DAB1: variants seen among roughly 807,000 people sequenced by gnomAD.
DAB1 encodes DAB adaptor protein 1.
Under a neutral mutation model 64.6 loss-of-function variants are expected in DAB1, and 15 were observed. The observed-to-expected ratio is 0.23, with a 90% confidence interval of 0.16 to 0.36. DAB1 has a LOEUF of 0.36. DAB1 is among the 10% of genes least tolerant of loss of function. DAB1 has a pLI of 1.00. For synonymous variants in DAB1, 235 were observed against 251.9 expected (o/e 0.93, Z 0.64); for missense variants, 596 against 706.7 (o/e 0.84, Z 1.78).
chr1:57,233,063 A>G (rs946443088), intron 2 of DAB1, among the ~76,000 whole-genome samples: 3 of 152,028 alleles, frequency 2.0e-5, no homozygotes, highest in Non-Finnish European at 4.4e-5. Context: ...TTTTAAAAAT[A>G]AAGCTGAGTA....
At chr1:57,171,537 C>A (rs957860375) in intron 2 of DAB1, among the ~76,000 whole-genome samples, 1 of 152,178 alleles carries the variant, frequency 6.6e-6, no homozygotes, top group African/African-American at 2.4e-5. Context: ...AGAATGGCGA[C>A]ATGTTTATAT....
intron 7 of DAB1, among the ~76,000 whole-genome samples, chr1:57,597,414 G>T (rs1645523828): frequency 1.3e-5 from 2 of 152,138 alleles, no homozygotes; most frequent in South Asian, 4.1e-4. Flanking sequence ...AACGGACAAG[G>T]CAAAATGCTT....
chr1:57,099,133 T>C (rs1042560256), intron 4 of DAB1, among the ~76,000 whole-genome samples: 1 of 152,176 alleles, frequency 6.6e-6, no homozygotes, highest in African/African-American at 2.4e-5. Flanking sequence ...ACATATCTAC[T>C]GGGGACCTCA....
At chr1:58,397,585 A>G (rs964107992) in intron 3 of DAB1, among the ~76,000 whole-genome samples, 4 of 152,142 alleles carry the variant, frequency 2.6e-5, no homozygotes, top group African/African-American at 9.7e-5. Context: ...ATACCTATCC[A>G]ATGCAGAGAT....
intron 7 of DAB1, among the ~76,000 whole-genome samples, chr1:57,498,883 A>T (rs1292479492): frequency 1.3e-5 from 2 of 152,180 alleles, no homozygotes; most frequent in African/African-American, 4.8e-5. Flanking sequence ...AGGCTATGTG[A>T]ACGAATTGGT....
intron 2 of DAB1, among the ~76,000 whole-genome samples, chr1:57,237,597 CCTAA>C (rs1328454713): frequency 1.3e-5 from 2 of 152,168 alleles, no homozygotes; most frequent in Non-Finnish European, 2.9e-5. Context: ...AATACAATAA[CCTAA>C]CTAACTACTG....
intron 4 of DAB1, among the ~76,000 whole-genome samples, chr1:58,160,394 A>G (rs1231964549): frequency 6.6e-6 from 1 of 152,188 alleles, no homozygotes; most frequent in African/African-American, 2.4e-5. Flanking sequence ...TACCTGGCAT[A>G]GTTAGAGGAG....
chr1:57,330,970 A>C (rs1300577026), intron 1 of DAB1, among the ~76,000 whole-genome samples: 2 of 152,026 alleles, frequency 1.3e-5, no homozygotes, highest in Admixed American at 1.3e-4. Flanking sequence ...TGTAAATACC[A>C]TCCTTCCTTC....
chr1:57,326,123 A>G (rs1050098793), intron 1 of DAB1, among the ~76,000 whole-genome samples: 6 of 152,242 alleles, frequency 3.9e-5, no homozygotes, highest in East Asian at 1.9e-4. Flanking sequence ...CAGTCTAGCA[A>G]TGAAATATTT....
At chr1:57,961,972 C>CAA (rs35916541) in intron 5 of DAB1, among the ~76,000 whole-genome samples, 150 of 141,034 alleles carry the variant, frequency 1.1e-3, no homozygotes, top group Non-Finnish European at 1.4e-3. Context: ...AACTCTGTCT[C>CAA]AAAAAAAAAA....
intron 6 of DAB1, among the ~76,000 whole-genome samples, chr1:57,734,416 T>G (rs984473805): frequency 6.6e-6 from 1 of 152,138 alleles, no homozygotes; most frequent in African/African-American, 2.4e-5. Flanking sequence ...AGGTAATATA[T>G]AGAGAAAAAT....
intron 7 of DAB1, among the ~76,000 whole-genome samples, chr1:57,626,875 G>C (rs1187376932): frequency 6.6e-6 from 1 of 152,074 alleles, no homozygotes; most frequent in Non-Finnish European, 1.5e-5. Flanking sequence ...CTATCACCTT[G>C]GGGGTTAGAA....
intron 5 of DAB1, among the ~76,000 whole-genome samples, chr1:57,907,131 T>C (rs1321753657): frequency 6.6e-6 from 1 of 152,208 alleles, no homozygotes; most frequent in East Asian, 1.9e-4. Context: ...CTCCATATCA[T>C]TAGTTATTCT....
rs2100379778 is a variant in DAB1 at position 57,023,636 on chromosome 1, G to A, written c.790C>T (p.Pro264Ser). ...ATAAAGGCATCACCTGGAGTTGCAG[G>A]AGTCTGCCAGACAGAGAGAGGCAGA... Reference protein sequence around the residue: ...TPPDITSPPTPATPGDAFIPS... With the variant: ...TPPDITSPPTSATPGDAFIPS... Residue 264 changes from proline to serine, a missense_variant, in exon 11 of 15, where the codon CCT becomes TCT. Around this residue, in one of 3 missense-constraint regions of DAB1, gnomAD observed 377 missense variants for 400.4 expected, o/e 0.94. Transcript: ENST00000371236. The A allele has an allele frequency of 2.5e-6, 4 of 1,604,024 alleles. No individual in the cohort carries two copies. The highest frequency in any genetic ancestry group is 4.5e-5 in the East Asian group (2 of 44,800).
At chr1:58,140,833 C>A (rs1436620992) in intron 5 of DAB1, among the ~76,000 whole-genome samples, 1 of 152,092 alleles carries the variant, frequency 6.6e-6, no homozygotes, top group East Asian at 1.9e-4. Flanking sequence ...AGTTCCAATA[C>A]AAGGTATTAA....
chr1:57,489,903 G>T (rs771588910), intron 7 of DAB1, among the ~76,000 whole-genome samples: 5 of 152,118 alleles, frequency 3.3e-5, no homozygotes, highest in African/African-American at 1.2e-4. Context: ...AAACTCATAC[G>T]TTGAAACCTA....
intron 5 of DAB1, among the ~76,000 whole-genome samples, chr1:58,059,068 C>G (rs59476157): frequency 0.018 from 2,742 of 152,314 alleles, 76 homozygotes; most frequent in African/African-American, 0.063. Flanking sequence ...AAGGTCTCAG[C>G]CCCACCTTCT....
At chr1:57,051,508 T>A (rs1649186276) in intron 9 of DAB1, among the ~76,000 whole-genome samples, 1 of 152,288 alleles carries the variant, frequency 6.6e-6, no homozygotes, top group African/African-American at 2.4e-5. Flanking sequence ...CATTAATGGA[T>A]TGAAGCTTCT....
intron 5 of DAB1, among the ~76,000 whole-genome samples, chr1:58,138,162 A>G (rs1654052712): frequency 6.6e-6 from 1 of 152,194 alleles, no homozygotes; most frequent in Non-Finnish European, 1.5e-5. Flanking sequence ...TAATGCTCAC[A>G]GTAAGTTTAT....
Sources: gnomAD v4.1 joint callset for allele counts (sites outside exome capture counted in the v4.1 genomes callset) on GRCh38, gnomAD v4.1.1 for gene constraint, gnomAD v4.1.1 regional missense constraint, MANE v1.5 for transcripts, NCBI Gene and HGNC (gene_info 2026-07-23, HGNC 2026-07-21) for gene names.